UNC13D: variants seen among roughly 807,000 people sequenced by gnomAD.
The protein encoded by UNC13D is protein unc-13 homolog D.
In UNC13D, 115 loss-of-function variants were observed where a neutral mutation model predicts 151.7. The observed-to-expected ratio is 0.76, with a 90% CI of 0.65 to 0.88. The LOEUF (loss-of-function observed/expected upper bound fraction) is 0.88. UNC13D is among the 40% of genes least tolerant of loss of function. The pLI, the probability that UNC13D is intolerant of heterozygous loss-of-function variation, is 0.00. For synonymous variants in UNC13D, 588 were observed against 612.2 expected, an observed-to-expected ratio of 0.96 and a Z score of 0.58; for missense variants, 1,369 against 1,438.7, an observed-to-expected ratio of 0.95 and a Z score of 0.78.
chr17:75,830,297 G>T, intron 29 of UNC13D, 65 bp downstream of exon 29: 1 of 1,574,126 alleles, frequency 6.4e-7, no homozygotes, highest in South Asian at 1.2e-5. Context: ...GAAGCCCCCA[G>T]GGTCGCTGAG....
At chr17:75,836,956 A>C in intron 12 of UNC13D, 38 bp from the exon 13 acceptor site, 1 of 1,594,668 alleles carries the variant, frequency 6.3e-7, no homozygotes, top group Non-Finnish European at 8.5e-7. Flanking sequence ...GACAGGGAGG[A>C]GGAAATTGCC....
rs537787945 is a variant in UNC13D at position 75,831,355 on chromosome 17, C to G, written c.2448-7G>C. 6 of 1,609,170 alleles carry G rather than the reference C, an allele frequency of 3.7e-6. No individual in the cohort carries two copies. The African/African-American group carries it at 4.0e-5, about 11-fold the overall frequency. ...CCAGAGCAGGGTCAGGAGGCTGGGG[C>G]GGGGCCGGAGGGATGCGGACACAGC... is the stretch of plus-strand genomic sequence containing the variant. On this transcript the variant is annotated splice_polypyrimidine_tract_variant and splice_region_variant and intron_variant, in intron 25 of 31. Transcript: ENST00000207549.
At chr17:75,842,825 G>A (rs1453018823) in intron 5 of UNC13D, 32 bp downstream of exon 5, 2 of 1,612,744 alleles carry the variant, frequency 1.2e-6, no homozygotes, top group Non-Finnish European at 1.7e-6. Flanking sequence ...GAGCCAGGAA[G>A]AAGCCCCTTG....
Position 75,836,443 on chromosome 17 carries a change from A to G in UNC13D, c.1299-14T>C. On this transcript the variant is annotated splice_polypyrimidine_tract_variant and intron_variant, in intron 14 of 31. Coordinates refer to ENST00000207549, the MANE Select transcript of UNC13D (RefSeq NM_199242.3). ...TGTACCAGGACCCTGCAAGATGGAA[A>G]GAGCTGTGTCGAAAGTGCCTGCTGC... The G allele has an allele frequency of 6.2e-7, 1 of 1,612,466 alleles. No homozygotes were observed. The highest frequency in any genetic ancestry group is 8.5e-7 in the Non-Finnish European group (1 of 1,179,950).
rs768120621 is a variant in UNC13D at position 75,835,076 on chromosome 17, AG to A, written c.1849-14del. 18 of 1,613,528 alleles carry A rather than the reference AG, an allele frequency of 1.1e-5. No individual in the cohort carries two copies. In the South Asian group the frequency reaches 1.9e-4, roughly 17 times the overall value. On this transcript the variant is annotated splice_polypyrimidine_tract_variant and intron_variant, in intron 20 of 31. Coordinates refer to ENST00000207549, the MANE Select transcript of UNC13D (RefSeq NM_199242.3). ...CCAGGGGCACCAGCTGGGGGAAGAA[AG>A]GAGGACTCAGGATACTGCCAAATCC...
In UNC13D at chr17:75,840,875, G is replaced by C. The variant is rs775760217; in HGVS notation, c.615-45C>G. 3 of 1,613,558 alleles carry C rather than the reference G, an allele frequency of 1.9e-6. No homozygotes were observed. The highest frequency in any genetic ancestry group is 2.5e-6 in the Non-Finnish European group (3 of 1,179,582). On this transcript the variant is annotated intron_variant, in intron 7 of 31. Transcript: ENST00000207549. This position sits in a 1 kb window ranked among gnomAD's most constrained non-coding sequence, Gnocchi z 4.6. ...AGAAGGAAGCAGAGAGAGTGCCTAC[G>C]ACCTCTTCCAGGAGGAGGTTCCGCC...
intron 31 of UNC13D, 23 bp downstream of exon 31, chr17:75,828,764 C>T (rs1279374117): frequency 9.9e-6 from 15 of 1,517,136 alleles, no homozygotes; most frequent in Non-Finnish European, 1.2e-5. Context: ...CCCCGCACCA[C>T]CCTGCCCTGG....
At chr17:75,837,537 T>A (rs1485605810) in intron 12 of UNC13D, among the ~76,000 whole-genome samples, 1 of 150,978 alleles carries the variant, frequency 6.6e-6, no homozygotes, top group African/African-American at 2.4e-5. Flanking sequence ...GTGGATCACC[T>A]GAGGTCAGGA....
chr17:75,838,880 C>A (rs1372182197), intron 12 of UNC13D, among the ~76,000 whole-genome samples: 1 of 152,036 alleles, frequency 6.6e-6, no homozygotes, highest in African/African-American at 2.4e-5. Context: ...GCGGGCGGAT[C>A]ATGAGGTCAG....
In UNC13D at chr17:75,830,648, T is replaced by TC. The variant is rs1449028317; in HGVS notation, c.2638dup (p.Asp880GlyfsTer30). ...GCTGGAGGCCGCCTGCAGCTCCAGG[T>TC]CCCTCTGCAGAGCCTGGGAACACAT... On this transcript the variant is annotated frameshift_variant, in exon 28 of 32. Transcript: ENST00000207549. LOFTEE classifies it high-confidence loss of function. 1 of 1,554,302 alleles carries TC rather than the reference T, an allele frequency of 6.4e-7. No individual in the cohort carries two copies. The highest frequency in any genetic ancestry group is 1.2e-5 in the South Asian group (1 of 84,382).
intron 27 of UNC13D, 81 bp from the exon 28 acceptor site, chr17:75,830,742 C>A: frequency 6.8e-7 from 1 of 1,475,046 alleles, no homozygotes; most frequent in South Asian, 1.2e-5. Context: ...AGCTCACTGT[C>A]AAGGGTAACA....
In UNC13D at chr17:75,836,429, C is replaced by T. The variant is rs372314255; in HGVS notation, c.1299G>A (p.Arg433=). 6.2e-7 allele frequency: 1 copy of T among 1,612,914 alleles called. No homozygotes were observed. The highest frequency in any genetic ancestry group is 1.1e-5 in the South Asian group (1 of 91,070). The stretch of plus-strand genomic sequence containing the variant: ...TCATCTTGCACATCTGTACCAGGAC[C>T]CTGCAAGATGGAAAGAGCTGTGTCG... ...DSPARLQSLL[R]VLVQMCKMKA... The change falls in exon 15 of 32, where the codon AGG becomes AGA. Residue 433 remains arginine, a splice_region_variant and synonymous_variant. Coordinates refer to ENST00000207549, the MANE Select transcript of UNC13D (RefSeq NM_199242.3).
chr17:75,840,225 C>A lies in UNC13D; in HGVS notation c.858G>T (p.Arg286=), dbSNP rs776248260. Residue 286 remains arginine, a splice_region_variant and synonymous_variant, in exon 10 of 32, where the codon CGG becomes CGT. Coordinates refer to ENST00000207549, the MANE Select transcript of UNC13D (RefSeq NM_199242.3). The surrounding 1 kb of genome is among the most constrained non-coding windows in gnomAD (Gnocchi z 4.6). ...CHLQFQLIHK[R]RATSASRSQP... is the part of the protein sequence containing the mutation. ...GCCACTGGCCCAGTACCCGACCTAC[C>A]CGCTTATGGATGAGTTGGAACTGGA... 1.9e-6 allele frequency: 3 copies of A among 1,613,944 alleles called. No individual in the cohort carries two copies. Among genetic ancestry groups the A allele is most frequent in the Non-Finnish European group, 2.5e-6 (3 of 1,180,014 alleles).
At chr17:75,838,216 C>T (rs1008846626) in intron 12 of UNC13D, among the ~76,000 whole-genome samples, 1 of 151,688 alleles carries the variant, frequency 6.6e-6, no homozygotes, top group Non-Finnish European at 1.5e-5. Context: ...GGCTGTGTCC[C>T]ATCTCTTTTT....
At position 75,833,178 on chromosome 17, in the gene UNC13D, G is replaced by C; in HGVS notation, c.2368-133C>G. On this transcript the variant is annotated intron_variant, in intron 24 of 31. Transcript: ENST00000207549. This position sits in a 1 kb window ranked among gnomAD's most constrained non-coding sequence, Gnocchi z 4.0. ...AGAGCAGTTTGTAGTGTCTGTAAGA[G>C]GCCGGCCTGCCCACCTCTCTGCCTT... The C allele has an allele frequency of 1.2e-6, 1 of 844,004 alleles. No individual in the cohort carries two copies. Among genetic ancestry groups the C allele is most frequent in the Non-Finnish European group, 1.9e-6 (1 of 526,590 alleles). The allele number at this position is 844,004 out of a possible 1,614,324, so 52.3% of individuals were successfully genotyped here.
chr17:75,840,989 G>T lies in UNC13D; in HGVS notation c.582C>A (p.Asp194Glu), dbSNP rs886211878. 3.1e-6 allele frequency: 5 copies of T among 1,613,918 alleles called. No individual in the cohort carries two copies. The highest frequency in any genetic ancestry group is 4.2e-6 in the Non-Finnish European group (5 of 1,180,020). ...CCAGATGAAAGCTCGCATTGGTGAT[G>T]TCCTCAAACTCCCTGTATGGAGAAA... ...WDETFILEFE[D>E]ITNASFHLDM... The change falls in exon 7 of 32, where the codon GAC becomes GAA. Residue 194 changes from aspartate (D) to glutamate (E), a missense_variant. Physicochemically the swap from Asp to Glu is conservative, Grantham distance 45. Around this residue, in one of 3 missense-constraint regions of UNC13D, gnomAD observed 550 missense variants for 609.0 expected, o/e 0.90. Coordinates refer to ENST00000207549, the MANE Select transcript of UNC13D (RefSeq NM_199242.3). This position sits in a 1 kb window ranked among gnomAD's most constrained non-coding sequence, Gnocchi z 4.6.
Position 75,840,286 on chromosome 17 carries a change from C to A in UNC13D, c.797G>T (p.Arg266Leu), listed in dbSNP as rs538734085. ...GCCTCGGTCTGGGTAGGTCTCAGTGCGGGGTTCCAGGGGGTACCACTGGTC... is the reference window on the plus strand; with the variant it reads ...GCCTCGGTCTGGGTAGGTCTCAGTGAGGGGTTCCAGGGGGTACCACTGGTC... Reference protein sequence around the residue: ...REDQWYPLEPRTETYPDRGQC... With the variant: ...REDQWYPLEPLTETYPDRGQC... The change falls in exon 10 of 32, where the codon CGC becomes CTC. Residue 266 changes from arginine to leucine, a missense_variant. Physicochemically the swap from Arg to Leu is moderately radical, Grantham distance 102. Around this residue, in one of 3 missense-constraint regions of UNC13D, gnomAD observed 550 missense variants for 609.0 expected, o/e 0.90. Transcript: ENST00000207549. This position sits in a 1 kb window ranked among gnomAD's most constrained non-coding sequence, Gnocchi z 4.6. The A allele has an allele frequency of 2.5e-6, 4 of 1,613,936 alleles. No homozygotes were observed. Among genetic ancestry groups the A allele is most frequent in the East Asian group, 4.5e-5 (2 of 44,884 alleles).
At chr17:75,841,289 T>G in intron 6 of UNC13D, 1 of 392,470 alleles carries the variant, frequency 2.5e-6, no homozygotes, top group East Asian at 5.4e-5. Flanking sequence ...GGATTACAGG[T>G]GCCCGCCACC....
chr17:75,836,030 C>T lies in UNC13D; in HGVS notation c.1526G>A (p.Trp509Ter). 6.2e-7 allele frequency: 1 copy of T among 1,614,072 alleles called. No homozygotes were observed. Among genetic ancestry groups the T allele is most frequent in the Non-Finnish European group, 8.5e-7 (1 of 1,180,038 alleles). The change falls in exon 17 of 32, where the codon TGG (tryptophan) becomes TAG (stop). Residue 509 changes from tryptophan to a stop codon, truncating the protein, a stop_gained. Coordinates refer to ENST00000207549, the MANE Select transcript of UNC13D (RefSeq NM_199242.3). LOFTEE classifies it high-confidence loss of function. ...TGCTCACTTGTGGAAGATCTTGTCC[C>T]ATGTGCGCTGGCACTGGTGCAGGTC... Reference protein sequence around the residue: ...IGDLHQCQRTWDKIFHNTLKI... With the variant: ...IGDLHQCQRT
Sources: gnomAD v4.1 joint callset for allele counts (sites outside exome capture counted in the v4.1 genomes callset) on GRCh38, gnomAD v4.1.1 for gene constraint, gnomAD v4.1.1 regional missense constraint, Gnocchi (gnomAD v3.1) non-coding constraint, MANE v1.5 for transcripts, NCBI Gene and HGNC (gene_info 2026-07-23, HGNC 2026-07-21) for gene names.